Variants in HMGCLL1 observed in about 807,000 individuals in gnomAD.
The protein encoded by HMGCLL1 is 3-hydroxymethyl-3-methylglutaryl-CoA lyase, cytoplasmic.
A neutral mutation model predicts 39.1 loss-of-function variants in HMGCLL1; 36 were observed. That is an observed-to-expected ratio of 0.92 (90% CI 0.71 to 1.22). The LOEUF (loss-of-function observed/expected upper bound fraction) is 1.22. HMGCLL1 is among the 50% of genes most tolerant of loss of function. HMGCLL1 has a pLI of 0.00. For synonymous variants in HMGCLL1, 149 were observed against 144.0 expected, an observed-to-expected ratio of 1.03 and a Z score of -0.25; for missense variants, 451 against 416.5, an observed-to-expected ratio of 1.08 and a Z score of -0.72.
the HMGCLL1 span, among the ~76,000 whole-genome samples, chr6:55,604,611 A>G: frequency 4.6e-5 from 7 of 152,316 alleles, no homozygotes; most frequent in East Asian, 3.9e-4. Flanking sequence ...TTCAAGGGCT[A>G]TTGACAAATA....
intron 7 of HMGCLL1, among the ~76,000 whole-genome samples, chr6:55,471,122 T>A (rs1247844229): frequency 6.6e-6 from 1 of 151,814 alleles, no homozygotes; most frequent in Non-Finnish European, 1.5e-5. Context: ...TACTTTAAAA[T>A]GTTATAATAT....
chr6:55,621,291 T>C, the HMGCLL1 span, among the ~76,000 whole-genome samples: 1 of 152,110 alleles, frequency 6.6e-6, no homozygotes, highest in Non-Finnish European at 1.5e-5. Context: ...TTCTTTTCAG[T>C]TTCTTGCATG....
chr6:55,554,188 A>T (rs1364053422), intron 1 of HMGCLL1, among the ~76,000 whole-genome samples: 2 of 152,200 alleles, frequency 1.3e-5, no homozygotes, highest in Non-Finnish European at 2.9e-5. Context: ...TAATGTAAAA[A>T]GCAAATTAAA....
chr6:55,555,300 G>A (rs1354486668), intron 1 of HMGCLL1, among the ~76,000 whole-genome samples: 1 of 152,006 alleles, frequency 6.6e-6, no homozygotes, highest in Non-Finnish European at 1.5e-5. Flanking sequence ...GCCTACAGGG[G>A]CTCTACTCCT....
At chr6:55,487,650 T>C (rs1000895746) in intron 7 of HMGCLL1, among the ~76,000 whole-genome samples, 1 of 152,080 alleles carries the variant, frequency 6.6e-6, no homozygotes, top group Admixed American at 6.6e-5. Context: ...GGCTGCATAG[T>C]ATTCCATGGT....
At chr6:55,678,197 G>C in the HMGCLL1 span, among the ~76,000 whole-genome samples, 3 of 152,092 alleles carry the variant, frequency 2.0e-5, no homozygotes, top group Non-Finnish European at 2.9e-5. Flanking sequence ...TATTAAGTAG[G>C]AATAAAAATG....
chr6:55,494,470 A>G (rs2127422868), intron 7 of HMGCLL1, among the ~76,000 whole-genome samples: 2 of 152,312 alleles, frequency 1.3e-5, no homozygotes, highest in East Asian at 3.9e-4. Flanking sequence ...ACCATGGAAT[A>G]ACATTTTCTT....
the HMGCLL1 span, among the ~76,000 whole-genome samples, chr6:55,647,745 C>CTTTTTTTTTTTTTTTTTTTTTTTTTTT: frequency 7.8e-5 from 9 of 115,864 alleles, no homozygotes; most frequent in East Asian, 2.4e-4. Context: ...TTTTTTTTTC[C>CTTTTTTTTTTTTTTTTTTTTTTTTTTT]TTTTTTTTTT....
intron 5 of HMGCLL1, among the ~76,000 whole-genome samples, chr6:55,507,904 G>C (rs1352197625): frequency 2.0e-5 from 3 of 151,616 alleles, no homozygotes; most frequent in African/African-American, 7.3e-5. Context: ...TTTTCATATA[G>C]TGCTAAAACT....
intron 7 of HMGCLL1, among the ~76,000 whole-genome samples, chr6:55,470,110 T>G (rs1375124064): frequency 7.9e-5 from 12 of 151,888 alleles, no homozygotes. Context: ...TGCTGAAGAC[T>G]CTAAAGTTTT....
At chr6:55,674,087 G>A in the HMGCLL1 span, among the ~76,000 whole-genome samples, 2 of 151,990 alleles carry the variant, frequency 1.3e-5, no homozygotes, top group South Asian at 4.1e-4. Context: ...TTCCAAAGTA[G>A]TAGCATGTCG....
the HMGCLL1 span, among the ~76,000 whole-genome samples, chr6:55,622,316 T>C: frequency 6.6e-6 from 1 of 152,028 alleles, no homozygotes; most frequent in Non-Finnish European, 1.5e-5. Context: ...TGTTGAATAA[T>C]TGGTGAAAGT....
chr6:55,587,380 C>G, the HMGCLL1 span, among the ~76,000 whole-genome samples: 3 of 151,978 alleles, frequency 2.0e-5, no homozygotes, highest in Non-Finnish European at 1.5e-5. Flanking sequence ...GAGATTTTGT[C>G]ACCACCAGGC....
At chr6:55,645,379 A>G in the HMGCLL1 span, among the ~76,000 whole-genome samples, 1 of 151,942 alleles carries the variant, frequency 6.6e-6, no homozygotes, top group Admixed American at 6.6e-5. Context: ...TCCAATTTGG[A>G]TGCCTTTACT....
the HMGCLL1 span, among the ~76,000 whole-genome samples, chr6:55,619,151 T>A: frequency 3.3e-5 from 5 of 151,908 alleles, no homozygotes; most frequent in Non-Finnish European, 7.4e-5. Context: ...AAAAAGAAGA[T>A]GAAGTTGGTA....
chr6:55,671,105 G>T, the HMGCLL1 span, among the ~76,000 whole-genome samples: 2 of 151,788 alleles, frequency 1.3e-5, no homozygotes, highest in Non-Finnish European at 2.9e-5. Context: ...AGTGAAATTC[G>T]AAGAATGATC....
At chr6:55,614,332 C>G in the HMGCLL1 span, among the ~76,000 whole-genome samples, 1 of 152,208 alleles carries the variant, frequency 6.6e-6, no homozygotes, top group Admixed American at 6.6e-5. Context: ...AGACATCTTT[C>G]TTCTTCTCTC....
chr6:55,660,941 CG>C, the HMGCLL1 span, among the ~76,000 whole-genome samples: 1 of 151,472 alleles, frequency 6.6e-6, no homozygotes, highest in African/African-American at 2.4e-5. Flanking sequence ...TATCTCATTG[CG>C]GTTTTGATTT....
the HMGCLL1 span, among the ~76,000 whole-genome samples, chr6:55,675,251 G>GA: frequency 2.6e-5 from 4 of 152,034 alleles, no homozygotes; most frequent in Non-Finnish European, 5.9e-5. Flanking sequence ...ACAGGCAAAA[G>GA]AAAAAATACT....
Sources: gnomAD v4.1 joint callset for allele counts (sites outside exome capture counted in the v4.1 genomes callset) on GRCh38, gnomAD v4.1.1 for gene constraint, MANE v1.5 for transcripts, NCBI Gene and HGNC (gene_info 2026-07-23, HGNC 2026-07-21) for gene names.